ACSL6: variants seen among roughly 807,000 people sequenced by gnomAD.
ACSL6 encodes long-chain-fatty-acid--CoA ligase 6.
In ACSL6, 47 loss-of-function variants were observed where a neutral mutation model predicts 98.2. That is an observed-to-expected ratio of 0.48 (90% CI 0.38 to 0.61). The LOEUF (loss-of-function observed/expected upper bound fraction) is 0.61, where lower values mean the gene tolerates loss of function less well. Ranked by LOEUF, ACSL6 falls within the 20% of genes least tolerant of loss-of-function variation. The probability of loss-of-function intolerance (pLI) is 0.00; values close to 1 mark genes in which losing one functional copy is unlikely to be tolerated. For synonymous variants in ACSL6, 362 were observed against 336.9 expected, an observed-to-expected ratio of 1.07 and a Z score of -0.82; for missense variants, 761 against 913.4, an observed-to-expected ratio of 0.83 and a Z score of 2.15.
chr5:131,988,863 C>A lies in ACSL6; in HGVS notation c.594G>T (p.Val198=), dbSNP rs754032646. 2.5e-6 allele frequency: 4 copies of A among 1,613,644 alleles called. No homozygotes were observed. In the Admixed American group the frequency reaches 6.7e-5, roughly 27 times the overall value. Residue 198 remains valine (V), a synonymous_variant, in exon 6 of 21, where the codon GTG becomes GTT. Coordinates refer to ENST00000651883, the MANE Select transcript of ACSL6 (RefSeq NM_001009185.3). ...VELACYTYSM[V]VVPLYDTLGP... ...CCAGGGTGTCATAGAGCGGGACCAC[C>A]ACCATGGAATATGTGTAGCAGGCCA...
At chr5:131,972,527 C>G (rs147554875) in intron 13 of ACSL6, among the ~76,000 whole-genome samples, 197 bp downstream of exon 13, 89 of 152,208 alleles carry the variant, frequency 5.8e-4, no homozygotes, top group African/African-American at 2.0e-3. Flanking sequence ...TTGCTCATCT[C>G]AAATGTAACG....
chr5:131,991,906 A>T (rs1754543120), intron 2 of ACSL6, among the ~76,000 whole-genome samples: 1 of 152,210 alleles, frequency 6.6e-6, no homozygotes. Flanking sequence ...GAAAGTTCTG[A>T]TTGGCCAGTG....
Position 131,975,222 on chromosome 5 carries a change from A to G in ACSL6, c.991-252T>C, listed in dbSNP as rs1753554210. The G allele has an allele frequency of 5.9e-6, 8 of 1,359,102 alleles. No individual in the cohort carries two copies. In the South Asian group the frequency reaches 1.3e-4, roughly 22 times the overall value. The allele number at this position is 1,359,102 out of a possible 1,614,324, so 84.2% of individuals were successfully genotyped here. A position where few individuals can be genotyped will look rare whatever the true frequency, so the allele number is the denominator to read the frequency against. On this transcript the variant is annotated intron_variant, in intron 10 of 20. Coordinates refer to ENST00000651883, the MANE Select transcript of ACSL6 (RefSeq NM_001009185.3). ...AGGGCAGCATAGGAAGCGGAGTGTT[A>G]GGTCGCAGCGTCAGTGGGTCTAGGT...
In ACSL6 at chr5:131,988,721, A is replaced by C; in HGVS notation, c.652+84T>G. The C allele has an allele frequency of 2.6e-6, 4 of 1,566,356 alleles. No individual in the cohort carries two copies. In the Admixed American group the frequency reaches 5.0e-5, roughly 20 times the overall value. On this transcript the variant is annotated intron_variant, in intron 6 of 20. Coordinates refer to ENST00000651883, the MANE Select transcript of ACSL6 (RefSeq NM_001009185.3). ...GAGCAAAGTGCCTCTTACGAGTGTC[A>C]GACAATCAGCATAACCTGAGAAGCT...
chr5:131,985,841 T>C (rs957894803), intron 8 of ACSL6, among the ~76,000 whole-genome samples: 3 of 152,212 alleles, frequency 2.0e-5, no homozygotes, highest in Non-Finnish European at 4.4e-5. Flanking sequence ...CCCTCCCTCC[T>C]TCCCATGTTC....
chr5:131,965,257 G>C (rs1200826471), intron 17 of ACSL6, among the ~76,000 whole-genome samples: 1 of 152,178 alleles, frequency 6.6e-6, no homozygotes, highest in East Asian at 1.9e-4. Context: ...GGGGTGGGCT[G>C]CTCCAGGCAA....
intron 17 of ACSL6, among the ~76,000 whole-genome samples, chr5:131,964,987 T>G (rs1418024537): frequency 1.3e-5 from 2 of 152,134 alleles, no homozygotes; most frequent in African/African-American, 4.8e-5. Context: ...CCCATCACAT[T>G]GGGTTGGGAA....
At chr5:131,994,326 T>A in intron 1 of ACSL6, 75 bp from the exon 2 acceptor site, 1 of 1,256,696 alleles carries the variant, frequency 8.0e-7, no homozygotes, top group Non-Finnish European at 1.1e-6. Context: ...TCACAGGACC[T>A]GATATCTGGT....
rs1191745090 is a variant in ACSL6 at position 131,957,522 on chromosome 5, A to G, written c.2031+2014T>C. On this transcript the variant is annotated intron_variant, in intron 20 of 20. Coordinates refer to ENST00000651883, the MANE Select transcript of ACSL6 (RefSeq NM_001009185.3). ...TTCTAGGAATTGTCTGTTCTTGGAAATTAAATTACATCATTTGTTTTTCTA... is the reference window on the plus strand; with the variant it reads ...TTCTAGGAATTGTCTGTTCTTGGAAGTTAAATTACATCATTTGTTTTTCTA... Among the ~76,000 whole-genome samples, 7 of 152,382 alleles carry G rather than the reference A, an allele frequency of 4.6e-5. No homozygotes were observed. The East Asian group carries it at 1.3e-3, about 29-fold the overall frequency.
In ACSL6 at chr5:132,011,624, G is replaced by A; in HGVS notation, c.-71C>T. 1 of 1,271,358 alleles carries A rather than the reference G, an allele frequency of 7.9e-7. No homozygotes were observed. 78.8% of individuals were successfully genotyped at this position (1,271,358 alleles called of 1,614,324 possible). ...CGCAGCCCCGCAGCCCCGCAGCCCA[G>A]CAGCCCCAGCAGTAGCCGCGCCGCC... is the stretch of plus-strand genomic sequence containing the variant. On this transcript the variant is annotated 5_prime_UTR_variant, in exon 1 of 21. Transcript: ENST00000651883. This position sits in a 1 kb window ranked among gnomAD's most constrained non-coding sequence, Gnocchi z 5.4.
chr5:132,011,891 G>A, upstream of ACSL6: 1 of 1,549,400 alleles, frequency 6.5e-7, no homozygotes, highest in Non-Finnish European at 8.7e-7. This position sits in a 1 kb window ranked among gnomAD's most constrained non-coding sequence, Gnocchi z 5.4. Flanking sequence ...GCCCTCTCCG[G>A]CCCCGCTCTC....
chr5:131,994,249 ACT>A lies in ACSL6; in HGVS notation c.50_51del (p.Glu17ValfsTer22), dbSNP rs777694146. 2.5e-6 allele frequency: 4 copies of A among 1,606,702 alleles called. No individual in the cohort carries two copies. Among genetic ancestry groups the A allele is most frequent in the South Asian group, 2.2e-5 (2 of 89,810 alleles). ...VSGGSLWLFV[E>X]FVLSLLEKMQ... Reference sequence around the variant, plus strand: ...ATCTTCTCCAGAAGTGAGAGGACAAACTCTGTTGAAAACAAGAGTCAGATAAG... The same window carrying A: ...ATCTTCTCCAGAAGTGAGAGGACAAACTGTTGAAAACAAGAGTCAGATAAG... On this transcript the variant is annotated frameshift_variant and splice_region_variant, in exon 2 of 21. Coordinates refer to ENST00000651883, the MANE Select transcript of ACSL6 (RefSeq NM_001009185.3). LOFTEE classifies it high-confidence loss of function.
chr5:131,960,025 C>T (rs1488823183), intron 19 of ACSL6, among the ~76,000 whole-genome samples: 1 of 152,134 alleles, frequency 6.6e-6, no homozygotes, highest in African/African-American at 2.4e-5. Context: ...TCTAGATGTG[C>T]CATTAGAAGG....
At chr5:131,964,517 C>T (rs935943580) in intron 17 of ACSL6, among the ~76,000 whole-genome samples, 1 of 152,224 alleles carries the variant, frequency 6.6e-6, no homozygotes, top group African/African-American at 2.4e-5. Flanking sequence ...CATTTATTTG[C>T]TTCATATTAC....
At chr5:131,970,099 G>T in intron 15 of ACSL6, 29 bp downstream of exon 15, 1 of 1,610,176 alleles carries the variant, frequency 6.2e-7, no homozygotes, top group Non-Finnish European at 8.5e-7. Flanking sequence ...TGCCTCGCGA[G>T]CCAGTCCTAT....
intron 2 of ACSL6, among the ~76,000 whole-genome samples, chr5:131,992,357 C>G (rs1277025142): frequency 6.6e-6 from 1 of 152,158 alleles, no homozygotes; most frequent in African/African-American, 2.4e-5. Context: ...TCCCACCACA[C>G]AGCAGGCACA....
At chr5:131,996,571 C>A (rs924276228) in intron 1 of ACSL6, among the ~76,000 whole-genome samples, 1 of 152,202 alleles carries the variant, frequency 6.6e-6, no homozygotes, top group Non-Finnish European at 1.5e-5. Flanking sequence ...CAGCTGTATA[C>A]CCCAAAAGTT....
chr5:132,010,865 G>A (rs545788077), intron 1 of ACSL6, among the ~76,000 whole-genome samples: 1 of 152,336 alleles, frequency 6.6e-6, no homozygotes, highest in Non-Finnish European at 1.5e-5. Flanking sequence ...GGATCGAGCA[G>A]GGGTCCTTGT....
At chr5:131,970,787 C>T (rs548559516) in intron 14 of ACSL6, among the ~76,000 whole-genome samples, 1 of 152,276 alleles carries the variant, frequency 6.6e-6, no homozygotes, top group East Asian at 1.9e-4. Context: ...ATCTACTTTT[C>T]ATCTGGATAA....
Sources: gnomAD v4.1 joint callset for allele counts (sites outside exome capture counted in the v4.1 genomes callset) on GRCh38, gnomAD v4.1.1 for gene constraint, Gnocchi (gnomAD v3.1) non-coding constraint, MANE v1.5 for transcripts, NCBI Gene and HGNC (gene_info 2026-07-23, HGNC 2026-07-21) for gene names.